YKT6: variants seen among roughly 807,000 people sequenced by gnomAD.
YKT6 encodes YKT6 vesicular SNARE protein, also known as synaptobrevin homolog YKT6.
In YKT6, 12 loss-of-function variants were observed where a neutral mutation model predicts 29.3. The ratio of observed to expected loss-of-function variants is 0.41; its 90% CI spans 0.26 to 0.66. The LOEUF is 0.66. YKT6 is among the 30% of genes least tolerant of loss of function. The pLI is 0.32. For missense variants in YKT6, 188 were observed against 243.8 expected (o/e 0.77, Z 1.52); for synonymous variants, 86 against 94.3 (o/e 0.91, Z 0.51).
intron 1 of YKT6, among the ~76,000 whole-genome samples, chr7:44,202,178 T>C (rs1216743130): frequency 6.6e-6 from 1 of 152,098 alleles, no homozygotes; most frequent in Non-Finnish European, 1.5e-5. Context: ...CAGCTGGTTC[T>C]TGATGAGAGT....
chr7:44,207,952 G>T (rs2096342719), intron 4 of YKT6, among the ~76,000 whole-genome samples, 181 bp from the exon 5 acceptor site: 1 of 152,096 alleles, frequency 6.6e-6, no homozygotes, highest in Non-Finnish European at 1.5e-5. Context: ...TCGAACTCTT[G>T]ATCTCTGGTG....
In YKT6 at chr7:44,201,246, G is replaced by C. The variant is rs1384006350; in HGVS notation, c.104+7G>C. 6.2e-7 allele frequency: 1 copy of C among 1,610,036 alleles called. No homozygotes were observed. Among genetic ancestry groups the C allele is most frequent in the East Asian group, 2.2e-5 (1 of 44,664 alleles). ...GCTTTTTCCAGAGATCCAGGTGAGC[G>C]GCACAGGCTGGTGGGCCGTGGCGGT... On this transcript the variant is annotated splice_region_variant and intron_variant, in intron 1 of 6. Transcript: ENST00000223369.
chr7:44,211,179 G>C, intron 6 of YKT6, 55 bp downstream of exon 6: 1 of 1,500,458 alleles, frequency 6.7e-7, no homozygotes, highest in Non-Finnish European at 9.2e-7. Flanking sequence ...AGCAGTCGCA[G>C]CTTGCTGCTT....
intron 3 of YKT6, 68 bp downstream of exon 3, chr7:44,206,553 G>T: frequency 7.6e-7 from 1 of 1,323,984 alleles, no homozygotes; most frequent in Non-Finnish European, 1.1e-6. Context: ...TGGGACAGGG[G>T]TTGATGGCAG....
intron 2 of YKT6, among the ~76,000 whole-genome samples, chr7:44,205,185 A>G (rs1479625029): frequency 6.6e-6 from 1 of 152,252 alleles, no homozygotes; most frequent in Non-Finnish European, 1.5e-5. Context: ...ACATAGAGTT[A>G]CTGAATTGAT....
At chr7:44,206,138 C>G (rs78624241) in intron 2 of YKT6, among the ~76,000 whole-genome samples, 1 of 152,180 alleles carries the variant, frequency 6.6e-6, no homozygotes, top group African/African-American at 2.4e-5. Flanking sequence ...CTGGCTGTTT[C>G]TTTAAGCCCT....
At chr7:44,211,464 C>T (rs2096346785) in intron 6 of YKT6, 1 of 864,598 alleles carries the variant, frequency 1.2e-6, no homozygotes, top group African/African-American at 1.8e-5. Context: ...AATCTTATTC[C>T]TCTTTCTGCT....
intron 3 of YKT6, 141 bp from the exon 4 acceptor site, chr7:44,207,247 A>AT (rs1172766685): frequency 1.7e-6 from 1 of 578,444 alleles, no homozygotes; most frequent in African/African-American, 1.9e-5. Context: ...TTGCCATTAT[A>AT]TGTCCCCCTC....
intron 4 of YKT6, 110 bp from the exon 5 acceptor site, chr7:44,208,023 C>T: frequency 1.7e-6 from 2 of 1,177,280 alleles, no homozygotes; most frequent in Non-Finnish European, 2.5e-6. Flanking sequence ...TGTGCCCGGC[C>T]CAGGCTGTGG....
In YKT6 at chr7:44,201,098, C is replaced by A; in HGVS notation, c.-38C>A. On this transcript the variant is annotated 5_prime_UTR_variant, in exon 1 of 7. Transcript: ENST00000223369. The stretch of plus-strand genomic sequence containing the variant: ...CGCGCTGCTCCCTGAGAACGGGTCC[C>A]GCAGCTGGGCAGGCGGGCGGCCTGA... The A allele has an allele frequency of 6.5e-7, 1 of 1,533,096 alleles. No homozygotes were observed. The highest frequency in any genetic ancestry group is 8.8e-7 in the Non-Finnish European group (1 of 1,140,084). 95.0% of individuals were successfully genotyped at this position (1,533,096 alleles called of 1,614,324 possible).
At chr7:44,210,819 A>G (rs1254628140) in intron 5 of YKT6, 2 of 635,472 alleles carry the variant, frequency 3.1e-6, no homozygotes, top group East Asian at 3.3e-5. Flanking sequence ...TAGATCTTCT[A>G]GATTTCACGG....
rs749095265 is a variant in YKT6 at position 44,206,505 on chromosome 7, C to A, written c.288+20C>A. 1 of 1,606,500 alleles carries A rather than the reference C, an allele frequency of 6.2e-7. No individual in the cohort carries two copies. Among genetic ancestry groups the A allele is most frequent in the Non-Finnish European group, 8.5e-7 (1 of 1,173,796 alleles). On this transcript the variant is annotated intron_variant, in intron 3 of 6. Coordinates refer to ENST00000223369, the MANE Select transcript of YKT6 (RefSeq NM_006555.4). ...GAGAAGGTGAGTTTTTTATTTGCCT[C>A]TCCTGGACTTGGATGATGAATGGGC...
chr7:44,206,826 G>T (rs547569794), intron 3 of YKT6, among the ~76,000 whole-genome samples: 90 of 152,228 alleles, frequency 5.9e-4, no homozygotes, highest in African/African-American at 2.0e-3. Context: ...TCTCCCCATT[G>T]CCTCCTGCAG....
intron 3 of YKT6, among the ~76,000 whole-genome samples, chr7:44,206,945 T>C (rs774065329): frequency 6.6e-6 from 1 of 152,202 alleles, no homozygotes; most frequent in Admixed American, 6.5e-5. Context: ...ATTAACTCTT[T>C]GAAGTCAGAG....
chr7:44,211,003 C>A lies in YKT6; in HGVS notation c.460-20C>A. ...GGCACGTACTGAACAGAGCTGGATT[C>A]TCTTTTCTTTTTTGTCCAGCACAAC... is the stretch of plus-strand genomic sequence containing the variant. On this transcript the variant is annotated intron_variant, in intron 5 of 6. Coordinates refer to ENST00000223369, the MANE Select transcript of YKT6 (RefSeq NM_006555.4). The A allele has an allele frequency of 6.2e-7, 1 of 1,613,084 alleles. No individual in the cohort carries two copies. Among genetic ancestry groups the A allele is most frequent in the South Asian group, 1.1e-5 (1 of 91,032 alleles).
intron 5 of YKT6, among the ~76,000 whole-genome samples, chr7:44,208,913 A>G (rs1175636824): frequency 6.6e-6 from 1 of 152,068 alleles, no homozygotes; most frequent in Non-Finnish European, 1.5e-5. Context: ...CAGCTCTCAG[A>G]TCCGCCCCAG....
intron 1 of YKT6, 101 bp downstream of exon 1, chr7:44,201,340 G>A (rs1214391255): frequency 2.6e-5 from 24 of 910,850 alleles, no homozygotes; most frequent in Non-Finnish European, 4.9e-6. Flanking sequence ...GATGAGGGGA[G>A]GGTGGAGGAG....
chr7:44,208,917 G>T (rs910703726), intron 5 of YKT6, among the ~76,000 whole-genome samples: 7 of 152,144 alleles, frequency 4.6e-5, no homozygotes, highest in African/African-American at 1.4e-4. Context: ...TCTCAGATCC[G>T]CCCCAGGATA....
chr7:44,205,118 G>A (rs2096339521), intron 2 of YKT6, among the ~76,000 whole-genome samples: 1 of 152,320 alleles, frequency 6.6e-6, no homozygotes. Context: ...AGTTACATGA[G>A]TTTCATCAGG....
Sources: allele counts gnomAD v4.1 joint callset (sites outside exome capture counted in the v4.1 genomes callset), GRCh38; gene constraint gnomAD v4.1.1; transcripts MANE v1.5; gene names NCBI Gene and HGNC (gene_info 2026-07-23, HGNC 2026-07-21).